LITAF: variants seen among roughly 807,000 people sequenced by gnomAD.
LITAF encodes lipopolysaccharide induced TNF factor.
Under a neutral mutation model 14.5 loss-of-function variants are expected in LITAF, and 9 were observed. The ratio of observed to expected loss-of-function variants is 0.62; its 90% CI spans 0.37 to 1.08. The LOEUF is 1.08. Ranked by LOEUF, LITAF falls within the 50% of genes least tolerant of loss-of-function variation. LITAF has a pLI of 0.01. For synonymous variants in LITAF, 98 were observed against 88.2 expected, an observed-to-expected ratio of 1.11 and a Z score of -0.62; for missense variants, 206 against 213.4, an observed-to-expected ratio of 0.97 and a Z score of 0.22.
At chr16:11,574,247 G>C (rs1359530040) in intron 1 of LITAF, among the ~76,000 whole-genome samples, 1 of 151,762 alleles carries the variant, frequency 6.6e-6, no homozygotes, top group African/African-American at 2.4e-5. Context: ...TCAGTATGTT[G>C]ACCAAGCTTG....
At position 11,576,554 on chromosome 16, in the gene LITAF, A is replaced by AAAAAAAAAAAGAC. The variant is rs1555469756; in HGVS notation, c.-6+10331_-6+10332insGTCTTTTTTTTTT. Among the ~76,000 whole-genome samples, 107 of 116,630 alleles carry AAAAAAAAAAAGAC rather than the reference A, an allele frequency of 9.2e-4. 2 individuals are homozygous for AAAAAAAAAAAGAC. The highest frequency in any genetic ancestry group is 1.3e-3 in the Non-Finnish European group (76 of 57,360). 76.5% of individuals were successfully genotyped at this position (116,630 alleles called of 152,430 possible). On this transcript the variant is annotated intron_variant, in intron 1 of 3. Coordinates refer to ENST00000622633, the MANE Select transcript of LITAF (RefSeq NM_001136472.2). The stretch of plus-strand genomic sequence containing the variant: ...ATCTGCAAAAAAAAAAAAAAAAAAA[A>AAAAAAAAAAAGAC]AGAGAGAGAGAAAGAGAAAAAGAGA...
intron 1 of LITAF, among the ~76,000 whole-genome samples, chr16:11,571,487 T>A (rs1201651779): frequency 1.3e-5 from 2 of 152,152 alleles, no homozygotes; most frequent in Non-Finnish European, 2.9e-5. Context: ...AACTCATCCA[T>A]CCACCCTCAT....
In LITAF at chr16:11,573,700, CCTTT is replaced by C. The variant is rs1188804418; in HGVS notation, c.-6+13182_-6+13185del. On this transcript the variant is annotated intron_variant, in intron 1 of 3. Transcript: ENST00000622633. Reference sequence around the variant, plus strand: ...TGTGTATGGTGAGAGAAGAAGATATCCTTTTTTTTTTTTTTTTTTTTTTAGGAGT... The same window carrying C: ...TGTGTATGGTGAGAGAAGAAGATATCTTTTTTTTTTTTTTTTTTTAGGAGT... Among the ~76,000 whole-genome samples, 10 of 118,266 alleles carry C rather than the reference CCTTT, an allele frequency of 8.5e-5. No homozygotes were observed. The Admixed American group carries it at 9.4e-4, about 11-fold the overall frequency. The allele number at this position is 118,266 out of a possible 152,430, so 77.6% of individuals were successfully genotyped here.
rs553461955 is a variant in LITAF at position 11,603,666 on chromosome 16, C to T, written c.85+29867G>A. On this transcript the variant is annotated intron_variant, in intron 3 of 3. Coordinates refer to the LITAF transcript ENST00000574848. The stretch of plus-strand genomic sequence containing the variant: ...AAAATCCGCAGCCCCCATCCCAACC[C>T]GGCCACCTCAGCAGGCATGCAATTG... Among the ~76,000 whole-genome samples the T allele has an allele frequency of 2.4e-4, 37 of 152,310 alleles. 1 individual carries two copies. The South Asian group carries it at 7.7e-3, about 32-fold the overall frequency.
chr16:11,555,496 C>G (rs1242689219), intron 2 of LITAF, among the ~76,000 whole-genome samples: 1 of 151,850 alleles, frequency 6.6e-6, no homozygotes, highest in Non-Finnish European at 1.5e-5. Flanking sequence ...CCGATTTACA[C>G]AAAAATTTAA....
intron 3 of LITAF, among the ~76,000 whole-genome samples, chr16:11,627,354 G>A (rs1196324084): frequency 6.6e-5 from 10 of 152,256 alleles, no homozygotes; most frequent in African/African-American, 2.2e-4. Context: ...AGCCAACACA[G>A]AGAACAGCCA....
At chr16:11,621,751 C>G (rs556438700) in intron 3 of LITAF, among the ~76,000 whole-genome samples, 1 of 152,170 alleles carries the variant, frequency 6.6e-6, no homozygotes, top group South Asian at 2.1e-4. Flanking sequence ...TGTGTTGATT[C>G]TTTCCCTGCC....
intron 3 of LITAF, among the ~76,000 whole-genome samples, chr16:11,552,943 A>C (rs977818371): frequency 6.6e-6 from 1 of 151,714 alleles, no homozygotes; most frequent in Non-Finnish European, 1.5e-5. Context: ...GTGAGACCCT[A>C]TCTCTACTAA....
chr16:11,569,130 A>C (rs1397981990), intron 1 of LITAF, among the ~76,000 whole-genome samples: 1 of 152,216 alleles, frequency 6.6e-6, no homozygotes, highest in Non-Finnish European at 1.5e-5. Flanking sequence ...GAGCAGCTGA[A>C]CAGGACGCGG....
intron 3 of LITAF, among the ~76,000 whole-genome samples, chr16:11,608,167 G>A (rs1051559378): frequency 3.9e-5 from 6 of 152,194 alleles, no homozygotes; most frequent in African/African-American, 1.2e-4. Context: ...AGATCCTTGC[G>A]TCACAGATAA....
At chr16:11,588,543 AAGAAAGAAAG>A (rs1381259293), upstream of LITAF, among the ~76,000 whole-genome samples, 18 of 84,712 alleles carry the variant, frequency 2.1e-4, no homozygotes, top group Non-Finnish European at 4.9e-4. Context: ...AAAGAAAAAG[AAGAAAGAAAG>A]AGAAAGAAAG....
intron 2 of LITAF, among the ~76,000 whole-genome samples, chr16:11,554,696 G>A (rs938101162): frequency 2.0e-5 from 3 of 150,528 alleles, no homozygotes; most frequent in Non-Finnish European, 4.4e-5. Context: ...GCTGAGGCAG[G>A]AGAATTGCTT....
At chr16:11,639,622 A>G (rs116632864), upstream of LITAF, among the ~76,000 whole-genome samples, 4 of 23,996 alleles carry the variant, frequency 1.7e-4, no homozygotes, top group Admixed American at 2.4e-3. Context: ...AGATTTTTAA[A>G]AAAAAAAAAG....
upstream of LITAF, among the ~76,000 whole-genome samples, chr16:11,638,066 C>A (rs12448364): frequency 2.7e-3 from 238 of 87,828 alleles, 14 homozygotes; most frequent in African/African-American, 7.4e-3. Context: ...ATATATATAT[C>A]TATATATATA....
At chr16:11,570,154 G>A (rs943418347) in intron 1 of LITAF, among the ~76,000 whole-genome samples, 2 of 151,426 alleles carry the variant, frequency 1.3e-5, no homozygotes, top group African/African-American at 2.5e-5. Context: ...TGTGCAAATG[G>A]GGGTGAGTTG....
At position 11,548,431 on chromosome 16, in the gene LITAF, G is replaced by C. The variant is rs1207116271; in HGVS notation, c.*1206C>G. Reference sequence around the variant, plus strand: ...CTGGTTCCCAAGCATCCGCACCATGGTACCCAGACATGCTCAAAATGTGCT... The same window carrying C: ...CTGGTTCCCAAGCATCCGCACCATGCTACCCAGACATGCTCAAAATGTGCT... On this transcript the variant is annotated 3_prime_UTR_variant, in exon 4 of 4. Transcript: ENST00000622633. 4.4e-6 allele frequency: 2 copies of C among 453,892 alleles called. No individual in the cohort carries two copies. Among genetic ancestry groups the C allele is most frequent in the East Asian group, 7.0e-5 (1 of 14,378 alleles). 28.1% of individuals were successfully genotyped at this position (453,892 alleles called of 1,614,324 possible).
At position 11,634,669 on chromosome 16, in the gene LITAF, T is replaced by C. The variant is rs1597378767; in HGVS notation, c.-20-1032A>G. 1.3e-5 allele frequency among the ~76,000 whole-genome samples: 2 copies of C among 152,084 alleles called. No homozygotes were observed. Among genetic ancestry groups the C allele is most frequent in the African/African-American group, 4.8e-5 (2 of 41,398 alleles). ...TCCCCAACCAGTCAGCAGCACCCAT[T>C]CCCTGGCCAGACGAACTATCCTTGA... On this transcript the variant is annotated intron_variant, in intron 2 of 3. Coordinates refer to the LITAF transcript ENST00000574848. This position sits in a 1 kb window ranked among gnomAD's most constrained non-coding sequence, Gnocchi z 4.1.
upstream of LITAF, among the ~76,000 whole-genome samples, chr16:11,637,558 T>C (rs913242420): frequency 7.2e-5 from 11 of 152,328 alleles, no homozygotes; most frequent in Admixed American, 1.3e-4. Flanking sequence ...CTCAGCACAG[T>C]GCCTGCCCAT....
At chr16:11,552,426 T>C (rs376522445) in intron 3 of LITAF, among the ~76,000 whole-genome samples, 25 of 152,320 alleles carry the variant, frequency 1.6e-4, no homozygotes, top group African/African-American at 5.5e-4. Flanking sequence ...CTTCGGGTCA[T>C]AAAAGGATAA....
Sources: gnomAD v4.1 joint callset for allele counts (sites outside exome capture counted in the v4.1 genomes callset) on GRCh38, gnomAD v4.1.1 for gene constraint, Gnocchi (gnomAD v3.1) non-coding constraint, MANE v1.5 for transcripts, NCBI Gene and HGNC (gene_info 2026-07-23, HGNC 2026-07-21) for gene names.